The following DOCK1 variants were observed in gnomAD, a reference collection of about 807,000 sequenced individuals.
The protein encoded by DOCK1 is dedicator of cytokinesis protein 1.
Under a neutral mutation model 262.7 loss-of-function variants are expected in DOCK1, and 138 were observed. The ratio of observed to expected loss-of-function variants is 0.53; its 90% confidence interval spans 0.46 to 0.61. The LOEUF is 0.61. DOCK1 is among the 20% of genes least tolerant of loss of function. The probability of loss-of-function intolerance (pLI) is 0.00; values close to 1 mark genes in which losing one functional copy is unlikely to be tolerated. For missense variants in DOCK1, 1,908 were observed against 2,370.7 expected (o/e 0.80, Z 4.05); for synonymous variants, 866 against 867.4 (o/e 1.00, Z 0.03).
intron 18 of DOCK1, among the ~76,000 whole-genome samples, chr10:127,036,758 G>A (rs958065330): frequency 1.3e-5 from 2 of 151,950 alleles, no homozygotes; most frequent in Non-Finnish European, 2.9e-5. Context: ...TGGATCACCT[G>A]CGATCAGGAG....
chr10:127,181,085 G>T (rs756179004), intron 27 of DOCK1, among the ~76,000 whole-genome samples: 1 of 152,160 alleles, frequency 6.6e-6, no homozygotes, highest in Non-Finnish European at 1.5e-5. Context: ...ATGAGATGGG[G>T]CTATAAGTAA....
At chr10:127,117,898 G>T (rs12255401) in intron 25 of DOCK1, among the ~76,000 whole-genome samples, 4 of 151,956 alleles carry the variant, frequency 2.6e-5, no homozygotes, top group African/African-American at 7.3e-5. Context: ...AAGAGCCCCA[G>T]GTCAGCATGC....
rs188270898 is a variant in DOCK1, at chr10:127,384,832, G to A, written c.3850G>A (p.Gly1284Arg). The change falls in exon 38 of 52, where the codon GGG (glycine) becomes AGG (arginine). Residue 1284 changes from glycine (G) to arginine (R), a missense_variant. Coordinates refer to ENST00000623213, the MANE Select transcript of DOCK1 (RefSeq NM_001290223.2). Reference sequence around the variant, plus strand: ...TGTGGCCCACCTCACCCAGCGGGACGGGTACCAGGCCACCACGCAGGGACA... The same window carrying A: ...TGTGGCCCACCTCACCCAGCGGGACAGGTACCAGGCCACCACGCAGGGACA... ...VCVAHLTQRDGYQATTQGQLK... is the reference protein window; with the variant it reads ...VCVAHLTQRDRYQATTQGQLK... 9.4e-5 allele frequency: 152 copies of A among 1,608,760 alleles called. 3 individuals carry two copies. In the East Asian group the frequency reaches 1.5e-3, roughly 15 times the overall value.
In DOCK1 at chr10:127,419,759, C is replaced by A; in HGVS notation, c.4776+10C>A. On this transcript the variant is annotated intron_variant, in intron 46 of 51. Coordinates refer to ENST00000623213, the MANE Select transcript of DOCK1 (RefSeq NM_001290223.2). ...CCTGATTGCTTGGCAGGTAAAGTGT[C>A]CAGCAAGAGTCCTGCATGGCTGGAG... The A allele has an allele frequency of 6.3e-7, 1 of 1,583,198 alleles. No homozygotes were observed. The highest frequency in any genetic ancestry group is 1.2e-5 in the South Asian group (1 of 86,470).
At chr10:127,247,194 C>T (rs138236421) in intron 27 of DOCK1, among the ~76,000 whole-genome samples, 4 of 152,280 alleles carry the variant, frequency 2.6e-5, no homozygotes, top group East Asian at 1.9e-4. Context: ...GCCGGAGAGA[C>T]GTTTCAGCTT....
Position 127,167,819 on chromosome 10 carries a change from C to G in DOCK1, c.2847+40055C>G, listed in dbSNP as rs572133286. ...CATTTAGTGATCCTCACCACCACCC[C>G]CCATCCCCAAAATACACCACCCTGT... is the stretch of plus-strand genomic sequence containing the variant. On this transcript the variant is annotated intron_variant, in intron 27 of 51. Coordinates refer to ENST00000623213, the MANE Select transcript of DOCK1 (RefSeq NM_001290223.2). Among the ~76,000 whole-genome samples, 10 of 152,044 alleles carry G rather than the reference C, an allele frequency of 6.6e-5. No homozygotes were observed. In the South Asian group the frequency reaches 2.1e-3, roughly 32 times the overall value.
At chr10:127,084,326 T>C (rs2136039367) in intron 23 of DOCK1, among the ~76,000 whole-genome samples, 1 of 152,314 alleles carries the variant, frequency 6.6e-6, no homozygotes, top group East Asian at 1.9e-4. Context: ...AGCAAAGACA[T>C]CTGGTTCAAA....
At chr10:127,309,309 C>T (rs2061981612) in intron 29 of DOCK1, among the ~76,000 whole-genome samples, 1 of 151,932 alleles carries the variant, frequency 6.6e-6, no homozygotes, top group Admixed American at 6.6e-5. Context: ...TGTAAATTTG[C>T]TTAACTTCCT....
In DOCK1 at chr10:127,175,584, G is replaced by C. The variant is rs1198064985; in HGVS notation, c.2847+47820G>C. On this transcript the variant is annotated intron_variant, in intron 27 of 51. Transcript: ENST00000623213. This position sits in a 1 kb window ranked among gnomAD's most constrained non-coding sequence, Gnocchi z 6.3. The stretch of plus-strand genomic sequence containing the variant: ...CCACTGGCTGGCGGCTGCAGAGTCT[G>C]ACAAACCAGGCTCGGGGGCCCTGGC... 6.2e-7 allele frequency: 1 copy of C among 1,612,222 alleles called. No homozygotes were observed. Among genetic ancestry groups the C allele is most frequent in the African/African-American group, 1.3e-5 (1 of 74,932 alleles).
chr10:127,198,443 C>T (rs749931545), intron 27 of DOCK1, among the ~76,000 whole-genome samples: 7 of 152,168 alleles, frequency 4.6e-5, no homozygotes, highest in South Asian at 2.1e-4. Flanking sequence ...TGAAGTTTTC[C>T]GGGACCAAGA....
chr10:127,396,507 C>G (rs187091505), intron 38 of DOCK1, among the ~76,000 whole-genome samples: 10 of 152,272 alleles, frequency 6.6e-5, no homozygotes, highest in Admixed American at 5.9e-4. Context: ...TTCTACAACA[C>G]TCCGTAAAGG....
intron 22 of DOCK1, among the ~76,000 whole-genome samples, chr10:127,055,163 C>CT (rs552748287): frequency 2.7e-4 from 39 of 146,842 alleles, no homozygotes; most frequent in Admixed American, 4.8e-4. Flanking sequence ...ATGGGGTTCA[C>CT]TTTTTTTTTT....
intron 25 of DOCK1, among the ~76,000 whole-genome samples, chr10:127,124,303 C>A (rs957327734): frequency 6.6e-6 from 1 of 152,130 alleles, no homozygotes; most frequent in Non-Finnish European, 1.5e-5. Context: ...ATCCTGAAAA[C>A]CGGCTAAGTC....
chr10:126,970,854 G>T, intron 2 of DOCK1, 69 bp downstream of exon 2: 1 of 1,540,212 alleles, frequency 6.5e-7, no homozygotes, highest in South Asian at 1.2e-5. Context: ...AGTGCCTGCT[G>T]GGCAAAGCAT....
At chr10:127,414,015 G>A (rs558719817) in intron 43 of DOCK1, among the ~76,000 whole-genome samples, 4 of 152,144 alleles carry the variant, frequency 2.6e-5, no homozygotes, top group East Asian at 3.9e-4. Context: ...GAGTTCAAGC[G>A]ATTCTCATGC....
At chr10:127,003,780 C>G (rs1002176709) in intron 10 of DOCK1, among the ~76,000 whole-genome samples, 7 of 152,108 alleles carry the variant, frequency 4.6e-5, no homozygotes, top group African/African-American at 1.7e-4. Flanking sequence ...ATGGTAAAAC[C>G]TCCTATCTAC....
At chr10:127,244,450 T>C (rs1322197006) in intron 27 of DOCK1, among the ~76,000 whole-genome samples, 1 of 152,212 alleles carries the variant, frequency 6.6e-6, no homozygotes, top group Non-Finnish European at 1.5e-5. Flanking sequence ...TTTCAAGACT[T>C]TTCAAACCTA....
At chr10:127,065,725 C>G (rs570559890) in intron 23 of DOCK1, among the ~76,000 whole-genome samples, 3 of 152,274 alleles carry the variant, frequency 2.0e-5, no homozygotes, top group South Asian at 2.1e-4. Flanking sequence ...CCGCACATCA[C>G]CTACCTTGAG....
intron 13 of DOCK1, among the ~76,000 whole-genome samples, chr10:127,022,577 G>A (rs61875529): frequency 0.043 from 6,509 of 152,090 alleles, 189 homozygotes; most frequent in Middle Eastern, 0.068. Context: ...TGTATTTTTA[G>A]TAGAGATGAG....
Sources: gnomAD v4.1 joint callset for allele counts (sites outside exome capture counted in the v4.1 genomes callset) on GRCh38, gnomAD v4.1.1 for gene constraint, Gnocchi (gnomAD v3.1) non-coding constraint, MANE v1.5 for transcripts, NCBI Gene and HGNC (gene_info 2026-07-23, HGNC 2026-07-21) for gene names.